Variants in PPP6R2 observed in about 807,000 individuals in gnomAD.
PPP6R2 encodes the protein protein phosphatase 6 regulatory subunit 2.
PPP6R2 carries 62 observed loss-of-function variants against 100.2 expected under a neutral mutation model. That is an observed-to-expected ratio of 0.62 (90% CI 0.50 to 0.76). The LOEUF (loss-of-function observed/expected upper bound fraction) is 0.76. PPP6R2 is among the 30% of genes least tolerant of loss of function. PPP6R2 has a pLI of 0.00. For synonymous variants in PPP6R2, 525 were observed against 514.7 expected (o/e 1.02, Z -0.27); for missense variants, 1,142 against 1,276.3 (o/e 0.89, Z 1.60).
chr22:50,361,472 G>A (rs2047778342), intron 1 of PPP6R2, among the ~76,000 whole-genome samples: 2 of 152,118 alleles, frequency 1.3e-5, no homozygotes, highest in Admixed American at 1.3e-4. Flanking sequence ...CTCTCCTGTG[G>A]CTGCTGGAAC....
intron 2 of PPP6R2, among the ~76,000 whole-genome samples, chr22:50,387,944 A>C (rs1159721761): frequency 6.6e-6 from 1 of 152,192 alleles, no homozygotes. Context: ...TCAAGGCATG[A>C]GAGATCATGT....
At chr22:50,424,361 G>A (rs572928583) in intron 10 of PPP6R2, among the ~76,000 whole-genome samples, 4 of 148,028 alleles carry the variant, frequency 2.7e-5, no homozygotes, top group South Asian at 4.3e-4. Flanking sequence ...TGGAAGGTCC[G>A]TCCGCGTGTG....
At chr22:50,384,325 G>T (rs887823475) in intron 2 of PPP6R2, among the ~76,000 whole-genome samples, 1 of 152,178 alleles carries the variant, frequency 6.6e-6, no homozygotes, top group African/African-American at 2.4e-5. Context: ...GGAGGCTGAG[G>T]TGGGCAGATC....
intron 3 of PPP6R2, among the ~76,000 whole-genome samples, chr22:50,405,307 A>AGGTCTGGAGAGAGGTGAGG (rs1569427642): frequency 1.8e-5 from 2 of 114,126 alleles, no homozygotes; most frequent in South Asian, 3.1e-4. Context: ...GGGAGGTGAG[A>AGGTCTGGAGAGAGGTGAGG]GGCCTGGAGA....
intron 2 of PPP6R2, 40 bp from the exon 3 acceptor site, chr22:50,393,853 G>A: frequency 3.1e-6 from 5 of 1,608,740 alleles, no homozygotes; most frequent in Non-Finnish European, 3.4e-6. Context: ...AGGTGGATTT[G>A]CAAGGGTGAG....
At chr22:50,346,095 TCCCCCAGTCAGTTGC>T (rs2043562366) in intron 1 of PPP6R2, among the ~76,000 whole-genome samples, 2 of 8,584 alleles carry the variant, frequency 2.3e-4, no homozygotes, top group Admixed American at 1.2e-3. Context: ...TCCAGTCAGT[TCCCCCAGTCAGTTGC>T]CCCCCAGTCA....
rs767944046 is a variant in PPP6R2, at chr22:50,439,782, G to T, written c.2210G>T (p.Ser737Ile). The T allele has an allele frequency of 6.2e-7, 1 of 1,613,866 alleles. No individual in the cohort carries two copies. Among genetic ancestry groups the T allele is most frequent in the East Asian group, 2.2e-5 (1 of 44,884 alleles). Residue 737 changes from serine (S) to isoleucine (I), a missense_variant, in exon 20 of 24, where the codon AGT becomes ATT. Around this residue, in one of 2 missense-constraint regions of PPP6R2, gnomAD observed 550 missense variants for 517.4 expected, o/e 1.06. Transcript: ENST00000612753. ...GGAGTGGTGAGGGACGTGGGTTCCA[G>T]TGTGTGGGCAGCTGGCACCTCAGCT... is the stretch of plus-strand genomic sequence containing the variant. ...APGVVRDVGS[S>I]VWAAGTSAPE...
intron 9 of PPP6R2, 118 bp downstream of exon 9, chr22:50,422,498 T>G: frequency 7.3e-7 from 1 of 1,375,808 alleles, no homozygotes; most frequent in South Asian, 1.5e-5. Context: ...GAATGTGTTC[T>G]AAGACGGCCA....
chr22:50,357,762 T>A (rs1256015237), intron 1 of PPP6R2, among the ~76,000 whole-genome samples: 1 of 152,022 alleles, frequency 6.6e-6, no homozygotes, highest in African/African-American at 2.4e-5. Context: ...TAGCTGGGGT[T>A]ACAGACACCT....
chr22:50,436,688 G>A (rs998122627), intron 14 of PPP6R2, among the ~76,000 whole-genome samples: 16 of 152,310 alleles, frequency 1.1e-4, no homozygotes, highest in East Asian at 5.8e-4. Flanking sequence ...GTGCAGAGCC[G>A]GTGTTGGCCT....
intron 3 of PPP6R2, among the ~76,000 whole-genome samples, chr22:50,404,731 C>G (rs2058582941): frequency 6.6e-6 from 1 of 151,902 alleles, no homozygotes; most frequent in African/African-American, 2.4e-5. Flanking sequence ...AGCCACCGTG[C>G]CCGTCCTTAC....
At position 50,353,440 on chromosome 22, in the gene PPP6R2, T is replaced by C. The variant is rs564420610; in HGVS notation, c.-148+9890T>C. ...AGCGTTTATTAAGTTTGCTATCCTA[T>C]ATGGGCACGGTTTGTAGTTTCCCAA... On this transcript the variant is annotated intron_variant, in intron 1 of 23. Transcript: ENST00000612753. Among the ~76,000 whole-genome samples the C allele has an allele frequency of 7.2e-5, 11 of 152,282 alleles. No individual in the cohort carries two copies. In the South Asian group the frequency reaches 1.9e-3, roughly 26 times the overall value.
intron 1 of PPP6R2, among the ~76,000 whole-genome samples, chr22:50,359,503 C>A (rs1250481788): frequency 6.6e-6 from 1 of 151,294 alleles, no homozygotes; most frequent in Non-Finnish European, 1.5e-5. Context: ...AGGCATGAGC[C>A]ACCATGCCCG....
rs761781441 is a variant in PPP6R2 at position 50,372,044 on chromosome 22, T to C, written c.-123T>C. 6 of 152,134 alleles carry C rather than the reference T, an allele frequency of 3.9e-5. No homozygotes were observed. The highest frequency in any genetic ancestry group is 5.9e-5 in the Non-Finnish European group (4 of 68,030). 9.4% of individuals were successfully genotyped at this position (152,134 alleles called of 1,614,324 possible). A position where few individuals can be genotyped will look rare whatever the true frequency, so the allele number is the denominator to read the frequency against. On this transcript the variant is annotated 5_prime_UTR_variant, in exon 2 of 24. Transcript: ENST00000612753. ...GGTAAAGAGATTATAAATCTTCCAC[T>C]GAATGAAAAAAATTTTCTTAAAGCT...
At chr22:50,402,753 A>G (rs1603242392) in intron 3 of PPP6R2, among the ~76,000 whole-genome samples, 1 of 152,172 alleles carries the variant, frequency 6.6e-6, no homozygotes, top group African/African-American at 2.4e-5. Context: ...GAATTTCTAT[A>G]CCTTGTATAC....
At chr22:50,403,060 A>T (rs1272288843) in intron 3 of PPP6R2, among the ~76,000 whole-genome samples, 1 of 152,154 alleles carries the variant, frequency 6.6e-6, no homozygotes, top group East Asian at 1.9e-4. Context: ...CAAAAATACA[A>T]AAGTTAGCCG....
chr22:50,390,998 C>CA (rs1159505649), intron 2 of PPP6R2, among the ~76,000 whole-genome samples: 319 of 97,060 alleles, frequency 3.3e-3, no homozygotes, highest in African/African-American at 6.6e-3. Flanking sequence ...AACTCCGTCT[C>CA]AAAAAAAAAA....
At chr22:50,413,354 T>C (rs1454873071) in intron 4 of PPP6R2, among the ~76,000 whole-genome samples, 1 of 152,066 alleles carries the variant, frequency 6.6e-6, no homozygotes, top group Non-Finnish European at 1.5e-5. Context: ...ATATAGCAGG[T>C]GTGGTGGCTC....
intron 4 of PPP6R2, among the ~76,000 whole-genome samples, chr22:50,408,502 G>A (rs2059298463): frequency 6.6e-6 from 1 of 152,138 alleles, no homozygotes; most frequent in Non-Finnish European, 1.5e-5. Flanking sequence ...AGTGAAGGTC[G>A]CCAGCAGCAG....
Sources: gnomAD v4.1 joint callset for allele counts (sites outside exome capture counted in the v4.1 genomes callset) on GRCh38, gnomAD v4.1.1 for gene constraint, gnomAD v4.1.1 regional missense constraint, MANE v1.5 for transcripts, NCBI Gene and HGNC (gene_info 2026-07-23, HGNC 2026-07-21) for gene names.